Variants in ATG5 observed in about 807,000 individuals in gnomAD.
ATG5 encodes the protein autophagy related 5.
Under a neutral mutation model 36.5 loss-of-function variants are expected in ATG5, and 14 were observed. The ratio of observed to expected loss-of-function variants is 0.38; its 90% CI spans 0.25 to 0.60. The LOEUF is 0.60. ATG5 is among the 20% of genes least tolerant of loss of function. The pLI is 0.60. For missense variants in ATG5, 195 were observed against 326.7 expected, an observed-to-expected ratio of 0.60 and a Z score of 3.11; for synonymous variants, 95 against 101.5, an observed-to-expected ratio of 0.94 and a Z score of 0.38.
intron 5 of ATG5, among the ~76,000 whole-genome samples, chr6:106,276,005 A>AT (rs1779631128): frequency 6.6e-6 from 1 of 152,196 alleles, no homozygotes. Flanking sequence ...CCATGATCGT[A>AT]TTTGCCAGCC....
intron 3 of ATG5, among the ~76,000 whole-genome samples, chr6:106,296,851 G>A (rs1436270701): frequency 6.6e-6 from 1 of 152,038 alleles, no homozygotes; most frequent in East Asian, 1.9e-4. Flanking sequence ...ACTCCATTCT[G>A]GAATCAGTTT....
chr6:106,273,991 G>C (rs1375917799), intron 5 of ATG5, among the ~76,000 whole-genome samples: 1 of 152,090 alleles, frequency 6.6e-6, no homozygotes, highest in Non-Finnish European at 1.5e-5. Flanking sequence ...ATATTAATTA[G>C]TTGAAAAAGC....
intron 6 of ATG5, among the ~76,000 whole-genome samples, chr6:106,226,963 G>C (rs968050544): frequency 6.6e-6 from 1 of 152,108 alleles, no homozygotes. Context: ...AGAGACCCAA[G>C]AGACACCATC....
chr6:106,260,125 G>A (rs1020491829), intron 5 of ATG5, among the ~76,000 whole-genome samples: 3 of 152,102 alleles, frequency 2.0e-5, no homozygotes, highest in Non-Finnish European at 4.4e-5. Context: ...GGGCCTGGGG[G>A]AAGGGATAGC....
intron 3 of ATG5, among the ~76,000 whole-genome samples, chr6:106,303,570 G>A (rs572465779): frequency 4.6e-5 from 7 of 152,096 alleles, no homozygotes; most frequent in East Asian, 3.9e-4. Flanking sequence ...TATAAAGCCC[G>A]TATAACCCTA....
chr6:106,319,437 A>G (rs1379618463), intron 1 of ATG5, among the ~76,000 whole-genome samples: 2 of 152,240 alleles, frequency 1.3e-5, no homozygotes, highest in African/African-American at 4.8e-5. Flanking sequence ...TGCTAGAAGA[A>G]GAATAATGGA....
At chr6:106,254,728 G>T (rs952524845) in intron 5 of ATG5, among the ~76,000 whole-genome samples, 3 of 152,212 alleles carry the variant, frequency 2.0e-5, no homozygotes, top group African/African-American at 7.2e-5. Context: ...TTCAACAAGA[G>T]AAGGCACTGA....
At chr6:106,287,337 G>A (rs531371049) in intron 4 of ATG5, among the ~76,000 whole-genome samples, 2 of 152,314 alleles carry the variant, frequency 1.3e-5, no homozygotes, top group East Asian at 3.9e-4. Flanking sequence ...GAACAGTCAG[G>A]ACCAATGCAG....
At chr6:106,317,335 C>G (rs1770888412) in intron 1 of ATG5, among the ~76,000 whole-genome samples, 1 of 152,180 alleles carries the variant, frequency 6.6e-6, no homozygotes, top group Non-Finnish European at 1.5e-5. Context: ...TGAAAACACT[C>G]TAAATAATCT....
chr6:106,263,116 AC>A (rs1450521275), intron 5 of ATG5, among the ~76,000 whole-genome samples: 1 of 152,212 alleles, frequency 6.6e-6, no homozygotes, highest in Non-Finnish European at 1.5e-5. Context: ...CACTGCCAGC[AC>A]AGCAGTCTAA....
chr6:106,280,905 A>G (rs2114604026), intron 4 of ATG5, among the ~76,000 whole-genome samples: 1 of 152,272 alleles, frequency 6.6e-6, no homozygotes, highest in African/African-American at 2.4e-5. Flanking sequence ...AGACTTAAAT[A>G]TTTAAGATAA....
intron 5 of ATG5, among the ~76,000 whole-genome samples, chr6:106,265,398 A>G (rs1779190270): frequency 6.6e-6 from 1 of 152,180 alleles, no homozygotes; most frequent in African/African-American, 2.4e-5. Flanking sequence ...CCACACAATA[A>G]TAGTGGGGGA....
Position 106,308,410 on chromosome 6 carries a change from C to T in ATG5, c.190G>A (p.Asp64Asn). Residue 64 changes from aspartate (D) to asparagine (N), a missense_variant, in exon 3 of 8, where the codon GAC becomes AAC. Asp to Asn is a conservative substitution (Grantham distance 23). Transcript: ENST00000369076. Reference protein sequence around the residue: ...KHFQKVMRQEDISEIWFEYEG... With the variant: ...KHFQKVMRQENISEIWFEYEG... ...TATTCAAACCATATCTCACTAATGT[C>T]TTCTTGTCTCATAACCTTCTGAAAG... 6.3e-7 allele frequency: 1 copy of T among 1,598,790 alleles called. No homozygotes were observed. Among genetic ancestry groups the T allele is most frequent in the Non-Finnish European group, 8.5e-7 (1 of 1,173,902 alleles).
chr6:106,233,891 C>T (rs368921836), intron 6 of ATG5, among the ~76,000 whole-genome samples: 21 of 152,194 alleles, frequency 1.4e-4, no homozygotes, highest in African/African-American at 4.6e-4. Flanking sequence ...ATGAAGAATG[C>T]GGCTTCCCAG....
At chr6:106,301,785 T>C (rs557025747) in intron 3 of ATG5, among the ~76,000 whole-genome samples, 1 of 152,230 alleles carries the variant, frequency 6.6e-6, no homozygotes, top group South Asian at 2.1e-4. Flanking sequence ...TGAAAGACTC[T>C]GGTCCCAACC....
At chr6:106,196,212 T>A (rs995391730) in intron 7 of ATG5, among the ~76,000 whole-genome samples, 1 of 152,120 alleles carries the variant, frequency 6.6e-6, no homozygotes, top group Non-Finnish European at 1.5e-5. Context: ...GAGAAGAGCA[T>A]GTAGGCAGAT....
At chr6:106,258,459 A>G (rs996490847) in intron 5 of ATG5, among the ~76,000 whole-genome samples, 1 of 152,222 alleles carries the variant, frequency 6.6e-6, no homozygotes, top group African/African-American at 2.4e-5. Context: ...TTCTCATTAC[A>G]GTGGGACCAG....
chr6:106,304,376 T>C (rs1422456536), intron 3 of ATG5: 1 of 152,158 alleles, frequency 6.6e-6, no homozygotes, highest in Non-Finnish European at 1.5e-5. Context: ...CAGAAAGACC[T>C]CTAGGTGTTT....
intron 5 of ATG5, among the ~76,000 whole-genome samples, chr6:106,256,690 G>C (rs946352199): frequency 2.0e-5 from 3 of 152,022 alleles, no homozygotes; most frequent in Admixed American, 1.3e-4. Flanking sequence ...ACCAGGAAAA[G>C]GTACAGTAAA....
Sources: gnomAD v4.1 joint callset for allele counts (sites outside exome capture counted in the v4.1 genomes callset) on GRCh38, gnomAD v4.1.1 for gene constraint, MANE v1.5 for transcripts, NCBI Gene and HGNC (gene_info 2026-07-23, HGNC 2026-07-21) for gene names.